Variants in NUSAP1 observed in about 807,000 individuals in gnomAD.
NUSAP1 encodes nucleolar and spindle associated protein 1, also known as nucleolar and spindle-associated protein 1.
NUSAP1 carries 32 observed loss-of-function variants against 52.8 expected under a neutral mutation model. The ratio of observed to expected loss-of-function variants is 0.61; its 90% CI spans 0.46 to 0.81. The LOEUF is 0.81. Among genes scored for constraint, NUSAP1 ranks in the 40% least tolerant of loss-of-function variants. The pLI is 0.00. For synonymous variants in NUSAP1, 195 were observed against 183.1 expected, an observed-to-expected ratio of 1.06 and a Z score of -0.52; for missense variants, 499 against 522.3, an observed-to-expected ratio of 0.96 and a Z score of 0.43.
At position 41,351,104 on chromosome 15, in the gene NUSAP1, A is replaced by G; in HGVS notation, c.423A>G (p.Gln141=). Residue 141 remains glutamine, a synonymous_variant, in exon 4 of 11, where the codon CAA becomes CAG. Coordinates refer to ENST00000559596, the MANE Select transcript of NUSAP1 (RefSeq NM_016359.5). ...TTCCTTCTCCACCAGACGAGCACCA[A>G]GAAGCTGAGAATGCTGTTTCCTCAG... ...AKVPSPPDEH[Q]EAENAVSSGN... is the part of the protein sequence containing the mutation. The G allele has an allele frequency of 6.2e-7, 1 of 1,613,160 alleles. No homozygotes were observed. Among genetic ancestry groups the G allele is most frequent in the Non-Finnish European group, 8.5e-7 (1 of 1,179,698 alleles).
At chr15:41,333,892 A>T (rs1206801678) in intron 1 of NUSAP1, among the ~76,000 whole-genome samples, 2 of 152,220 alleles carry the variant, frequency 1.3e-5, no homozygotes, top group Non-Finnish European at 2.9e-5. Flanking sequence ...AACTTCGGTG[A>T]CAGAGAGAGA....
chr15:41,339,252 G>C (rs2048284953), intron 1 of NUSAP1, among the ~76,000 whole-genome samples: 1 of 152,018 alleles, frequency 6.6e-6, no homozygotes, highest in Admixed American at 6.6e-5. Context: ...AGATGTGGCT[G>C]ATATATTTAG....
intron 2 of NUSAP1, chr15:41,344,198 A>G (rs1278555304): frequency 1.3e-5 from 2 of 149,474 alleles, no homozygotes; most frequent in East Asian, 3.9e-4. Context: ...TGGGAGACAG[A>G]ATGAGACTCC....
intron 8 of NUSAP1, among the ~76,000 whole-genome samples, chr15:41,373,312 G>A (rs1324511416): frequency 6.6e-6 from 1 of 151,612 alleles, no homozygotes; most frequent in East Asian, 2.0e-4. Flanking sequence ...GAACCCAGGA[G>A]GCAGAGGTTG....
At chr15:41,365,757 G>A (rs1272714239) in intron 7 of NUSAP1, 168 bp downstream of exon 7, 4 of 365,840 alleles carry the variant, frequency 1.1e-5, no homozygotes, top group Non-Finnish European at 4.6e-6. Context: ...GTCTCGCTCT[G>A]TCGCCCAGGC....
chr15:41,355,071 A>G (rs2048915947), intron 4 of NUSAP1, among the ~76,000 whole-genome samples: 1 of 151,874 alleles, frequency 6.6e-6, no homozygotes, highest in South Asian at 2.1e-4. Context: ...GCTCGTCTCA[A>G]ACTCCTGGAC....
At chr15:41,365,686 C>A in intron 7 of NUSAP1, 97 bp downstream of exon 7, 1 of 740,432 alleles carries the variant, frequency 1.4e-6, no homozygotes, top group Non-Finnish European at 2.1e-6. Context: ...CGTACATACT[C>A]ATAGGGTACA....
At chr15:41,365,282 G>A in intron 6 of NUSAP1, 120 bp from the exon 7 acceptor site, 1 of 723,898 alleles carries the variant, frequency 1.4e-6, no homozygotes, top group Non-Finnish European at 2.1e-6. Context: ...TCAGCCTCCT[G>A]AGTAGCTGGG....
chr15:41,342,225 G>A (rs1289506304), intron 1 of NUSAP1, among the ~76,000 whole-genome samples, 161 bp from the exon 2 acceptor site: 4 of 152,188 alleles, frequency 2.6e-5, no homozygotes, highest in African/African-American at 7.2e-5. Context: ...CCACTCAGAT[G>A]TGAAATTCCT....
At chr15:41,345,738 G>A (rs189969845) in intron 2 of NUSAP1, 14 of 245,146 alleles carry the variant, frequency 5.7e-5, no homozygotes, top group African/African-American at 2.6e-4. Flanking sequence ...GATTCCAGGG[G>A]TGAGCCACCG....
chr15:41,344,642 A>G (rs1048336446), intron 2 of NUSAP1, among the ~76,000 whole-genome samples: 2 of 152,076 alleles, frequency 1.3e-5, no homozygotes, highest in Non-Finnish European at 2.9e-5. Flanking sequence ...CGTCTCAAAA[A>G]AAAATGACAA....
At chr15:41,364,806 T>G (rs1293778067) in intron 6 of NUSAP1, among the ~76,000 whole-genome samples, 1 of 152,160 alleles carries the variant, frequency 6.6e-6, no homozygotes, top group Admixed American at 6.6e-5. Context: ...AGGTGAAGAT[T>G]GCAGTGAGCC....
chr15:41,378,240 T>C (rs1217880710), intron 10 of NUSAP1, among the ~76,000 whole-genome samples: 1 of 151,948 alleles, frequency 6.6e-6, no homozygotes, highest in African/African-American at 2.4e-5. Flanking sequence ...CACCTACATA[T>C]CCAGATAGAC....
At chr15:41,375,563 G>A (rs1053661807) in intron 8 of NUSAP1, 149 bp from the exon 9 acceptor site, 18 of 567,414 alleles carry the variant, frequency 3.2e-5, no homozygotes, top group Middle Eastern at 4.0e-4. Flanking sequence ...CGCCCACCTC[G>A]GCCTCCCAAA....
chr15:41,347,265 G>A (rs926323904), intron 2 of NUSAP1, among the ~76,000 whole-genome samples: 1 of 152,164 alleles, frequency 6.6e-6, no homozygotes, highest in Admixed American at 6.6e-5. Context: ...TAGTGAAATT[G>A]ACTGACTACT....
intron 1 of NUSAP1, among the ~76,000 whole-genome samples, chr15:41,334,699 C>A (rs2048053856): frequency 4.4e-5 from 2 of 45,890 alleles, no homozygotes; most frequent in African/African-American, 1.9e-4. Context: ...CCTTTATCTG[C>A]CTGGCTGTGT....
intron 2 of NUSAP1, chr15:41,345,483 G>A: frequency 2.7e-6 from 1 of 367,248 alleles, no homozygotes; most frequent in Non-Finnish European, 5.2e-6. Context: ...TTTTTTTTCT[G>A]AGTTTCACTC....
chr15:41,377,278 T>C lies in NUSAP1; in HGVS notation c.1206T>C (p.Thr402=), dbSNP rs1400629778. Residue 402 remains threonine (T), a synonymous_variant, in exon 10 of 11, where the codon ACT becomes ACC. Transcript: ENST00000559596. ...HVNRINFYKK[T]YKQPHLQTKE... is the part of the protein sequence containing the mutation. Reference sequence around the variant, plus strand: ...ACAGAATTAACTTCTACAAGAAAACTTACAAACAACCCCATCTCCAGACAA... The same window carrying C: ...ACAGAATTAACTTCTACAAGAAAACCTACAAACAACCCCATCTCCAGACAA... 7.9e-6 allele frequency: 12 copies of C among 1,520,350 alleles called. No individual in the cohort carries two copies. The highest frequency in any genetic ancestry group is 2.1e-5 in the Admixed American group (1 of 48,224). 94.2% of individuals were successfully genotyped at this position (1,520,350 alleles called of 1,614,324 possible).
intron 1 of NUSAP1, among the ~76,000 whole-genome samples, chr15:41,341,135 G>A (rs182513194): frequency 2.2e-3 from 331 of 152,132 alleles, no homozygotes; most frequent in African/African-American, 7.8e-3. Flanking sequence ...TCATCTCCTC[G>A]GCTCACTGCA....
Sources: gnomAD v4.1 joint callset for allele counts (sites outside exome capture counted in the v4.1 genomes callset) on GRCh38, gnomAD v4.1.1 for gene constraint, MANE v1.5 for transcripts, NCBI Gene and HGNC (gene_info 2026-07-23, HGNC 2026-07-21) for gene names.